Variants in TBC1D5 observed in about 807,000 individuals in gnomAD.
The protein encoded by TBC1D5 is TBC1 domain family, member 5.
In TBC1D5, 75 loss-of-function variants were observed where a neutral mutation model predicts 100.3. The ratio of observed to expected loss-of-function variants is 0.75; its 90% CI spans 0.62 to 0.91. The LOEUF (loss-of-function observed/expected upper bound fraction) is 0.91. Among genes scored for constraint, TBC1D5 ranks in the 40% least tolerant of loss-of-function variants. The probability of loss-of-function intolerance (pLI) is 0.00; values close to 1 mark genes in which losing one functional copy is unlikely to be tolerated. For missense variants in TBC1D5, 910 were observed against 942.4 expected, an observed-to-expected ratio of 0.97 and a Z score of 0.45; for synonymous variants, 323 against 325.6, an observed-to-expected ratio of 0.99 and a Z score of 0.09.
At chr3:17,640,812 G>T (rs1478146145) in intron 1 of TBC1D5, among the ~76,000 whole-genome samples, 5 of 151,900 alleles carry the variant, frequency 3.3e-5, no homozygotes, top group African/African-American at 1.2e-4. Context: ...AAACTATGGA[G>T]TTTCATTATT....
chr3:17,521,301 C>T (rs1022486884), intron 2 of TBC1D5, among the ~76,000 whole-genome samples: 2 of 152,168 alleles, frequency 1.3e-5, no homozygotes, highest in African/African-American at 2.4e-5. Context: ...CAAAACCTCT[C>T]CCCTTCCACC....
At chr3:17,201,432 C>A (rs1395972813) in intron 18 of TBC1D5, among the ~76,000 whole-genome samples, 1 of 152,120 alleles carries the variant, frequency 6.6e-6, no homozygotes, top group East Asian at 1.9e-4. Flanking sequence ...GACACATGGA[C>A]AACTTGGGGC....
chr3:17,379,185 T>C (rs1212947097), intron 9 of TBC1D5, among the ~76,000 whole-genome samples: 1 of 151,960 alleles, frequency 6.6e-6, no homozygotes, highest in Non-Finnish European at 1.5e-5. Flanking sequence ...AAACAAAACA[T>C]TACAATTGTT....
intron 13 of TBC1D5, among the ~76,000 whole-genome samples, chr3:17,343,865 T>C (rs2089421030): frequency 6.6e-6 from 1 of 152,146 alleles, no homozygotes; most frequent in South Asian, 2.1e-4. Context: ...TCTTTTCTTC[T>C]TTATTAGTCT....
intron 16 of TBC1D5, among the ~76,000 whole-genome samples, chr3:17,247,968 T>C (rs955103214): frequency 2.6e-5 from 4 of 151,828 alleles, no homozygotes; most frequent in African/African-American, 9.7e-5. Flanking sequence ...TTTCACCCCA[T>C]GTGGTTACTT....
In TBC1D5 at chr3:17,365,268, T is replaced by C. The variant is rs938365542; in HGVS notation, c.995+6807A>G. Among the ~76,000 whole-genome samples, 68 of 152,320 alleles carry C rather than the reference T, an allele frequency of 4.5e-4. 1 individual carries two copies. The highest frequency in any genetic ancestry group is 1.3e-4 in the Non-Finnish European group (9 of 68,020). On this transcript the variant is annotated intron_variant, in intron 13 of 21. Transcript: ENST00000253692. ...TTCGCCTCTCAGTGGGAAAAGCATA[T>C]TTTTATCTAGAAAGGCATGTGGATG...
intron 1 of TBC1D5, among the ~76,000 whole-genome samples, chr3:17,709,367 G>A (rs891362758): frequency 6.6e-6 from 1 of 152,172 alleles, no homozygotes; most frequent in African/African-American, 2.4e-5. Flanking sequence ...AATGGAGTCA[G>A]ATTGAATCAA....
chr3:17,452,009 T>C (rs2094939256), intron 3 of TBC1D5, among the ~76,000 whole-genome samples: 1 of 151,976 alleles, frequency 6.6e-6, no homozygotes, highest in South Asian at 2.1e-4. Flanking sequence ...ACAATCAAAC[T>C]CCAAAGGGTC....
intron 2 of TBC1D5, among the ~76,000 whole-genome samples, chr3:17,536,252 C>T (rs1156569996): frequency 6.6e-6 from 1 of 152,034 alleles, no homozygotes; most frequent in Non-Finnish European, 1.5e-5. Flanking sequence ...AAAGCTGCTG[C>T]ATAGTCACAA....
intron 3 of TBC1D5, among the ~76,000 whole-genome samples, chr3:17,504,430 TATA>T (rs1200491108): frequency 2.0e-5 from 3 of 151,680 alleles, no homozygotes; most frequent in Non-Finnish European, 4.4e-5. Context: ...AAACTTAAAG[TATA>T]ATAATAATAA....
intron 2 of TBC1D5, among the ~76,000 whole-genome samples, chr3:17,517,717 GTCAATTT>G (rs1182515450): frequency 7.9e-5 from 12 of 151,968 alleles, no homozygotes; most frequent in Non-Finnish European, 1.2e-4. Flanking sequence ...AAACTTTTAA[GTCAATTT>G]TATTAAAAAT....
At chr3:17,536,704 A>G (rs1281182111) in intron 2 of TBC1D5, among the ~76,000 whole-genome samples, 2 of 152,172 alleles carry the variant, frequency 1.3e-5, no homozygotes, top group African/African-American at 2.4e-5. Context: ...TTACAGGCAA[A>G]GACATAAATC....
intron 13 of TBC1D5, among the ~76,000 whole-genome samples, chr3:17,322,614 AC>A: frequency 6.6e-6 from 1 of 152,224 alleles, no homozygotes; most frequent in East Asian, 1.9e-4. Context: ...AGTTTAAAAG[AC>A]GCAGACTCAA....
intron 13 of TBC1D5, among the ~76,000 whole-genome samples, chr3:17,345,790 AATC>A (rs1300638710): frequency 6.6e-6 from 1 of 152,212 alleles, no homozygotes; most frequent in African/African-American, 2.4e-5. Flanking sequence ...TGAAATTGGA[AATC>A]ATCATTCTCA....
At chr3:17,395,133 G>T (rs1370875851) in intron 8 of TBC1D5, among the ~76,000 whole-genome samples, 1 of 151,978 alleles carries the variant, frequency 6.6e-6, no homozygotes, top group African/African-American at 2.4e-5. Context: ...GTTGGGAGAA[G>T]GCAGGTGTGG....
chr3:17,396,008 G>A (rs1559795618), intron 8 of TBC1D5, among the ~76,000 whole-genome samples: 1 of 152,010 alleles, frequency 6.6e-6, no homozygotes, highest in Non-Finnish European at 1.5e-5. Flanking sequence ...TTTGACAGAA[G>A]CATTATTTTT....
intron 15 of TBC1D5, among the ~76,000 whole-genome samples, chr3:17,262,381 T>C (rs1358284951): frequency 2.0e-5 from 3 of 152,192 alleles, no homozygotes; most frequent in Non-Finnish European, 4.4e-5. Context: ...GTGTGGTCTG[T>C]TGTTGACCCA....
chr3:17,242,381 T>A (rs995731355), intron 16 of TBC1D5, among the ~76,000 whole-genome samples: 15 of 152,124 alleles, frequency 9.9e-5, no homozygotes, highest in Non-Finnish European at 1.9e-4. Context: ...TCACTTTTTC[T>A]GCAATAAAAT....
intron 2 of TBC1D5, among the ~76,000 whole-genome samples, chr3:17,550,905 C>T (rs1417923514): frequency 6.6e-6 from 1 of 152,062 alleles, no homozygotes; most frequent in African/African-American, 2.4e-5. Flanking sequence ...GTCATGTTCA[C>T]ATGAAACTAA....
Sources: allele counts gnomAD v4.1 joint callset (sites outside exome capture counted in the v4.1 genomes callset), GRCh38; gene constraint gnomAD v4.1.1; transcripts MANE v1.5; gene names NCBI Gene and HGNC (gene_info 2026-07-23, HGNC 2026-07-21).